The following MICAL2 variants were observed in gnomAD, a reference collection of about 807,000 sequenced individuals.
MICAL2 encodes the protein [F-actin]-monooxygenase MICAL2.
MICAL2 carries 77 observed loss-of-function variants against 127.3 expected under a neutral mutation model. The observed-to-expected ratio is 0.60, with a 90% CI of 0.50 to 0.73. The LOEUF (loss-of-function observed/expected upper bound fraction) is 0.73, where lower values mean the gene tolerates loss of function less well. Ranked by LOEUF, MICAL2 falls within the 30% of genes least tolerant of loss-of-function variation. MICAL2 has a pLI of 0.00. For missense variants in MICAL2, 1,351 were observed against 1,434.4 expected, an observed-to-expected ratio of 0.94 and a Z score of 0.94; for synonymous variants, 570 against 551.1, an observed-to-expected ratio of 1.03 and a Z score of -0.48.
intron 1 of MICAL2, among the ~76,000 whole-genome samples, chr11:12,131,023 G>T (rs1851373042): frequency 1.0e-5 from 1 of 99,664 alleles, no homozygotes; most frequent in African/African-American, 2.8e-5. Context: ...GCCGGGCGCG[G>T]TGGCTCACGC....
chr11:12,273,996 G>C (rs767876279), upstream of MICAL2, among the ~76,000 whole-genome samples: 3 of 152,138 alleles, frequency 2.0e-5, no homozygotes, highest in Non-Finnish European at 2.9e-5. Context: ...CAGGAAGCTT[G>C]GCTAAGAAGG....
At chr11:12,192,673 G>C (rs1242350337) in intron 3 of MICAL2, among the ~76,000 whole-genome samples, 2 of 152,150 alleles carry the variant, frequency 1.3e-5, no homozygotes, top group Non-Finnish European at 2.9e-5. Context: ...AGCTACTTGG[G>C]AGGCTGAGGC....
intron 30 of MICAL2, chr11:12,323,858 T>C (rs891571857): frequency 8.8e-7 from 1 of 1,130,626 alleles, no homozygotes. Context: ...GTCGTTATTT[T>C]AGAAGGTAAG....
At chr11:12,229,210 C>A (rs1857880058) in intron 15 of MICAL2, among the ~76,000 whole-genome samples, 1 of 152,186 alleles carries the variant, frequency 6.6e-6, no homozygotes, top group East Asian at 1.9e-4. Context: ...GTTTTGCCAA[C>A]CCCAGGAGCA....
chr11:12,240,905 C>A, intron 17 of MICAL2, 135 bp from the exon 18 acceptor site: 1 of 1,175,076 alleles, frequency 8.5e-7, no homozygotes, highest in Non-Finnish European at 1.2e-6. Context: ...GGAGCTCAGC[C>A]CAGTGCTTCC....
At chr11:12,319,189 A>G (rs2134837441) in intron 29 of MICAL2, among the ~76,000 whole-genome samples, 1 of 152,202 alleles carries the variant, frequency 6.6e-6, no homozygotes, top group South Asian at 2.1e-4. Flanking sequence ...GCTCTTTTAC[A>G]CTGAGCAGAT....
chr11:12,220,107 A>T, intron 8 of MICAL2, 94 bp from the exon 9 acceptor site: 1 of 1,454,478 alleles, frequency 6.9e-7, no homozygotes, highest in Non-Finnish European at 9.5e-7. Flanking sequence ...GCCTCACTGT[A>T]GGGACCCATT....
intron 3 of MICAL2, among the ~76,000 whole-genome samples, chr11:12,174,228 G>A (rs538630799): frequency 6.6e-6 from 1 of 151,638 alleles, no homozygotes; most frequent in South Asian, 2.1e-4. Flanking sequence ...ATTTTAAAAT[G>A]TATAATTTGG....
At chr11:12,265,258 G>A (rs1177727059), downstream of MICAL2, among the ~76,000 whole-genome samples, 1 of 152,328 alleles carries the variant, frequency 6.6e-6, no homozygotes, top group Non-Finnish European at 1.5e-5. Flanking sequence ...CCATACTTAT[G>A]TGAACATTTT....
chr11:12,325,911 C>T (rs1476496761), intron 31 of MICAL2, among the ~76,000 whole-genome samples: 2 of 152,170 alleles, frequency 1.3e-5, no homozygotes, highest in African/African-American at 4.8e-5. Flanking sequence ...CTACAGCATG[C>T]CAGCAAGAGA....
intron 3 of MICAL2, among the ~76,000 whole-genome samples, chr11:12,173,974 AT>A (rs1856563221): frequency 1.3e-5 from 2 of 152,066 alleles, no homozygotes; most frequent in Non-Finnish European, 2.9e-5. Flanking sequence ...GCTATTTTAC[AT>A]TTTTTCGTAC....
In MICAL2 at chr11:12,207,792, A is replaced by C. The variant is rs117382820; in HGVS notation, c.473-231A>C. 982 of 446,880 alleles carry C rather than the reference A, an allele frequency of 2.2e-3. 6 individuals are homozygous for C. Among genetic ancestry groups the C allele is most frequent in the Admixed American group, 3.2e-3 (86 of 26,534 alleles). 27.7% of individuals were successfully genotyped at this position (446,880 alleles called of 1,614,324 possible). The stretch of plus-strand genomic sequence containing the variant: ...TTGAGCAAGTCATTTAACTTTGTTA[A>C]GCCTCAATTTCTCATCTACAGAATG... On this transcript the variant is annotated intron_variant, in intron 4 of 27. Coordinates refer to ENST00000683283, the MANE Select transcript of MICAL2 (RefSeq NM_001282663.2).
chr11:12,127,074 G>A, intron 1 of MICAL2, among the ~76,000 whole-genome samples: 1 of 152,162 alleles, frequency 6.6e-6, no homozygotes, highest in Non-Finnish European at 1.5e-5. Flanking sequence ...GATGCAAAGA[G>A]GCTTTAATGA....
intron 3 of MICAL2, among the ~76,000 whole-genome samples, chr11:12,198,038 A>C (rs1282857102): frequency 6.6e-6 from 1 of 152,208 alleles, no homozygotes; most frequent in Non-Finnish European, 1.5e-5. Flanking sequence ...AAGTCAGATG[A>C]GATGTAACTC....
intron 31 of MICAL2, among the ~76,000 whole-genome samples, chr11:12,324,579 C>T (rs1864334848): frequency 6.6e-6 from 1 of 152,214 alleles, no homozygotes; most frequent in Non-Finnish European, 1.5e-5. Flanking sequence ...TCAGCCACAA[C>T]TCCATCACAG....
At chr11:12,238,338 G>A (rs977792568) in intron 16 of MICAL2, among the ~76,000 whole-genome samples, 1 of 152,178 alleles carries the variant, frequency 6.6e-6, no homozygotes, top group African/African-American at 2.4e-5. Context: ...TTCACTGTTA[G>A]CAGATGAGCT....
At chr11:12,354,422 A>T (rs536555029) in intron 33 of MICAL2, among the ~76,000 whole-genome samples, 24 of 151,802 alleles carry the variant, frequency 1.6e-4, no homozygotes, top group South Asian at 1.0e-3. Context: ...CAGTGAGCCA[A>T]TACCGTGCCA....
chr11:12,219,707 C>T (rs1856603048), intron 8 of MICAL2, among the ~76,000 whole-genome samples: 1 of 152,110 alleles, frequency 6.6e-6, no homozygotes, highest in Non-Finnish European at 1.5e-5. Context: ...ATTATAAAAT[C>T]ACACTTTCTG....
At chr11:12,123,170 T>G (rs1054580024) in intron 1 of MICAL2, among the ~76,000 whole-genome samples, 1 of 152,230 alleles carries the variant, frequency 6.6e-6, no homozygotes, top group African/African-American at 2.4e-5. Context: ...CTTAAAATTT[T>G]TATTCTATAT....
Sources: allele counts gnomAD v4.1 joint callset (sites outside exome capture counted in the v4.1 genomes callset), GRCh38; gene constraint gnomAD v4.1.1; transcripts MANE v1.5; gene names NCBI Gene and HGNC (gene_info 2026-07-23, HGNC 2026-07-21).